TRPM3: variants seen among roughly 807,000 people sequenced by gnomAD.
TRPM3 encodes transient receptor potential cation channel subfamily M member 3, also known as long transient receptor potential channel 3.
In TRPM3, 77 loss-of-function variants were observed where a neutral mutation model predicts 181.2. The ratio of observed to expected loss-of-function variants is 0.42; its 90% confidence interval spans 0.35 to 0.51. The LOEUF (loss-of-function observed/expected upper bound fraction) is 0.51. Among genes scored for constraint, TRPM3 ranks in the 20% least tolerant of loss-of-function variants. The probability of loss-of-function intolerance (pLI) is 0.01; values close to 1 mark genes in which losing one functional copy is unlikely to be tolerated. For missense variants in TRPM3, 1,759 were observed against 2,196.7 expected, an observed-to-expected ratio of 0.80 and a Z score of 3.98; for synonymous variants, 745 against 796.4, an observed-to-expected ratio of 0.94 and a Z score of 1.09.
chr9:71,230,724 A>C (rs1180231024), intron 1 of TRPM3, among the ~76,000 whole-genome samples: 1 of 152,188 alleles, frequency 6.6e-6, no homozygotes, highest in Non-Finnish European at 1.5e-5. Flanking sequence ...CTTTTACTTT[A>C]AGTTAGGATC....
chr9:70,814,663 ACT>A lies in TRPM3; in HGVS notation c.973+13182_973+13183del, dbSNP rs2092508521. 3.3e-5 allele frequency among the ~76,000 whole-genome samples: 5 copies of A among 151,888 alleles called. No homozygotes were observed. In the South Asian group the frequency reaches 8.3e-4, roughly 25 times the overall value. On this transcript the variant is annotated intron_variant, in intron 6 of 25. Transcript: ENST00000677713. The stretch of plus-strand genomic sequence containing the variant: ...AGCCTCTCTTATGTTTCCTGACCTG[ACT>A]CTTTCCTTTTGTTTTAAAAGGAGAA...
intron 1 of TRPM3, among the ~76,000 whole-genome samples, chr9:71,025,549 A>C (rs1319139982): frequency 6.6e-6 from 1 of 152,222 alleles, no homozygotes; most frequent in East Asian, 1.9e-4. Context: ...AATACCGTAC[A>C]TTTCTTATTA....
intron 1 of TRPM3, among the ~76,000 whole-genome samples, chr9:71,327,551 A>T (rs1565465595): frequency 6.6e-6 from 1 of 152,228 alleles, no homozygotes; most frequent in Non-Finnish European, 1.5e-5. Context: ...GAACAGGGAA[A>T]ACAGTGCAAT....
chr9:70,576,890 A>G (rs780050985), intron 22 of TRPM3, among the ~76,000 whole-genome samples: 11 of 152,034 alleles, frequency 7.2e-5, no homozygotes, highest in Non-Finnish European at 1.0e-4. Context: ...CATTCCTACC[A>G]CATGGCTTTT....
intron 1 of TRPM3, among the ~76,000 whole-genome samples, chr9:71,062,876 T>G (rs1034842959): frequency 2.6e-5 from 4 of 152,080 alleles, no homozygotes; most frequent in African/African-American, 9.7e-5. Flanking sequence ...TCACCAAATG[T>G]GGGCCCCTCC....
At chr9:71,289,193 C>A (rs73649708) in intron 1 of TRPM3, among the ~76,000 whole-genome samples, 1 of 151,654 alleles carries the variant, frequency 6.6e-6, no homozygotes, top group Non-Finnish European at 1.5e-5. Context: ...CAGCAGAAAA[C>A]GCTAACTGCA....
At chr9:71,395,479 CTTTG>C (rs1227349368) in intron 1 of TRPM3, among the ~76,000 whole-genome samples, 3 of 152,130 alleles carry the variant, frequency 2.0e-5, no homozygotes, top group Non-Finnish European at 4.4e-5. Flanking sequence ...AGGGAGAGTG[CTTTG>C]TTTGAGAAGC....
At chr9:70,935,356 C>A (rs1332404841) in intron 1 of TRPM3, among the ~76,000 whole-genome samples, 1 of 152,172 alleles carries the variant, frequency 6.6e-6, no homozygotes, top group African/African-American at 2.4e-5. Context: ...TGTACCCCTA[C>A]TATGGTGTGA....
intron 8 of TRPM3, among the ~76,000 whole-genome samples, chr9:70,697,780 T>C (rs1373692145): frequency 6.6e-6 from 1 of 152,266 alleles, no homozygotes; most frequent in Non-Finnish European, 1.5e-5. Flanking sequence ...CAGTAGTTAA[T>C]ACCACTAATG....
intron 1 of TRPM3, among the ~76,000 whole-genome samples, chr9:71,285,904 A>G (rs1382916650): frequency 6.6e-6 from 1 of 152,142 alleles, no homozygotes; most frequent in Non-Finnish European, 1.5e-5. Flanking sequence ...TGGCATATCC[A>G]TTTTACATAA....
chr9:71,224,319 G>C (rs1231561282), intron 1 of TRPM3, among the ~76,000 whole-genome samples: 1 of 152,222 alleles, frequency 6.6e-6, no homozygotes, highest in African/African-American at 2.4e-5. Flanking sequence ...AAATCTGCAA[G>C]AACCACAGCA....
chr9:71,305,112 T>C (rs2087151909), intron 1 of TRPM3, among the ~76,000 whole-genome samples: 1 of 152,124 alleles, frequency 6.6e-6, no homozygotes, highest in Non-Finnish European at 1.5e-5. Context: ...CAGCTGGTAA[T>C]AGGAATACAG....
At chr9:71,183,110 T>C (rs538108841) in intron 1 of TRPM3, among the ~76,000 whole-genome samples, 7 of 152,150 alleles carry the variant, frequency 4.6e-5, no homozygotes, top group Non-Finnish European at 1.0e-4. Flanking sequence ...CAGGGCTTTT[T>C]GTATATAGAA....
intron 8 of TRPM3, among the ~76,000 whole-genome samples, chr9:70,686,138 C>A (rs936913287): frequency 9.9e-5 from 15 of 150,800 alleles, no homozygotes; most frequent in South Asian, 2.1e-4. Flanking sequence ...ATATGTAAAA[C>A]CACACATGTA....
chr9:71,352,015 A>G (rs1274189522), intron 1 of TRPM3, among the ~76,000 whole-genome samples: 2 of 151,730 alleles, frequency 1.3e-5, no homozygotes, highest in Non-Finnish European at 2.9e-5. Context: ...AGCTGGGACT[A>G]CAGGCACCCG....
chr9:70,607,232 G>A (rs2061323748), intron 19 of TRPM3, among the ~76,000 whole-genome samples: 1 of 152,178 alleles, frequency 6.6e-6, no homozygotes, highest in African/African-American at 2.4e-5. Context: ...AAACTTGGGA[G>A]AGTAGGAGAG....
intron 1 of TRPM3, among the ~76,000 whole-genome samples, chr9:71,019,287 A>T (rs1021446002): frequency 3.3e-5 from 5 of 151,968 alleles, no homozygotes; most frequent in African/African-American, 1.2e-4. Flanking sequence ...AAATTAAAAG[A>T]ATATTGGAAA....
chr9:71,314,734 AG>A (rs2088378113), intron 1 of TRPM3, among the ~76,000 whole-genome samples: 1 of 152,084 alleles, frequency 6.6e-6, no homozygotes, highest in Non-Finnish European at 1.5e-5. Flanking sequence ...CATAATTTGA[AG>A]GCTTTTCTAA....
At chr9:70,621,994 C>T (rs1468002061) in intron 14 of TRPM3, among the ~76,000 whole-genome samples, 1 of 152,042 alleles carries the variant, frequency 6.6e-6, no homozygotes, top group Non-Finnish European at 1.5e-5. Context: ...TTTTTGCCTC[C>T]CAAATTCATA....
Sources: gnomAD v4.1 joint callset for allele counts (sites outside exome capture counted in the v4.1 genomes callset) on GRCh38, gnomAD v4.1.1 for gene constraint, MANE v1.5 for transcripts, NCBI Gene and HGNC (gene_info 2026-07-23, HGNC 2026-07-21) for gene names.